NRCAM: variants seen among roughly 807,000 people sequenced by gnomAD.
The protein encoded by NRCAM is NgCAM-related cell adhesion molecule.
In NRCAM, 83 loss-of-function variants were observed where a neutral mutation model predicts 156.5. That is an observed-to-expected ratio of 0.53 (90% CI 0.44 to 0.64). The LOEUF (loss-of-function observed/expected upper bound fraction) is 0.64, where lower values mean the gene tolerates loss of function less well. Ranked by LOEUF, NRCAM falls within the 30% of genes least tolerant of loss-of-function variation. The pLI is 0.00. For missense variants in NRCAM, 1,417 were observed against 1,597.3 expected (o/e 0.89, Z 1.92); for synonymous variants, 538 against 563.9 (o/e 0.95, Z 0.65).
intron 3 of NRCAM, among the ~76,000 whole-genome samples, chr7:108,310,506 T>C (rs1241361737): frequency 6.6e-6 from 1 of 151,886 alleles, no homozygotes; most frequent in African/African-American, 2.4e-5. Flanking sequence ...GGCCTGAGAG[T>C]TTGCAAACCA....
rs531876992 is a variant in NRCAM at position 108,316,676 on chromosome 7, T to C, written c.-173-3945A>G. 2.1e-4 allele frequency among the ~76,000 whole-genome samples: 32 copies of C among 151,374 alleles called. No homozygotes were observed. The Middle Eastern group carries it at 0.01, about 48-fold the overall frequency. On this transcript the variant is annotated intron_variant, in intron 2 of 32. Transcript: ENST00000379028. ...GGCAGGCATCTGTAGTCCCAGCTAC[T>C]CAGGAGGTTGAGGCAGAACAATCAA...
intron 2 of NRCAM, among the ~76,000 whole-genome samples, chr7:108,381,949 C>G (rs1336143372): frequency 6.6e-6 from 1 of 152,062 alleles, no homozygotes; most frequent in African/African-American, 2.4e-5. Flanking sequence ...TATAGCCACC[C>G]CATTAAATAA....
At chr7:108,420,175 G>A (rs531227564) in intron 1 of NRCAM, among the ~76,000 whole-genome samples, 6 of 152,198 alleles carry the variant, frequency 3.9e-5, no homozygotes, top group African/African-American at 1.4e-4. Context: ...GGACTGAAAT[G>A]TGTTGGTCTT....
chr7:108,326,714 GTTTACAGATTTGATCC>G (rs368543709), intron 2 of NRCAM, among the ~76,000 whole-genome samples: 11 of 152,240 alleles, frequency 7.2e-5, no homozygotes, highest in African/African-American at 2.6e-4. Flanking sequence ...CCTAGGGAAG[GTTTACAGATTTGATCC>G]TTTATTTTCT....
intron 1 of NRCAM, among the ~76,000 whole-genome samples, chr7:108,418,212 A>C (rs1804205800): frequency 1.3e-5 from 2 of 152,094 alleles, no homozygotes; most frequent in African/African-American, 2.4e-5. Context: ...GCCAGTGCAA[A>C]AGGACTTGCT....
chr7:108,163,270 T>A (rs1413289800), intron 30 of NRCAM, among the ~76,000 whole-genome samples: 1 of 152,330 alleles, frequency 6.6e-6, no homozygotes, highest in East Asian at 1.9e-4. Context: ...TGAGATTTGC[T>A]TTGTTTTCTG....
intron 2 of NRCAM, among the ~76,000 whole-genome samples, chr7:108,377,542 G>A (rs986100072): frequency 2.0e-5 from 3 of 152,070 alleles, no homozygotes; most frequent in African/African-American, 7.2e-5. Flanking sequence ...AATCCCAGGA[G>A]TCCCTCAATA....
intron 2 of NRCAM, among the ~76,000 whole-genome samples, chr7:108,380,891 T>G (rs1012584802): frequency 2.0e-5 from 3 of 152,160 alleles, no homozygotes; most frequent in South Asian, 4.1e-4. Context: ...CTCTTTTGTA[T>G]GTATGTAATA....
intron 6 of NRCAM, among the ~76,000 whole-genome samples, chr7:108,233,508 T>C (rs776737471): frequency 6.6e-5 from 10 of 152,158 alleles, no homozygotes; most frequent in Admixed American, 1.3e-4. Context: ...CTGAAGAGGA[T>C]AAATCCTGTT....
chr7:108,388,603 C>T (rs1441245856), intron 2 of NRCAM, among the ~76,000 whole-genome samples: 1 of 152,158 alleles, frequency 6.6e-6, no homozygotes, highest in African/African-American at 2.4e-5. Context: ...GTCGCCATTG[C>T]TTTTGGTGTT....
At chr7:108,360,064 C>T (rs7792869) in intron 2 of NRCAM, among the ~76,000 whole-genome samples, 11,919 of 152,176 alleles carry the variant, frequency 0.078, 487 homozygotes, top group East Asian at 0.11. Context: ...TATAACTGTA[C>T]TTTGGATGAT....
intron 1 of NRCAM, among the ~76,000 whole-genome samples, chr7:108,429,148 G>A (rs1291086153): frequency 6.6e-6 from 1 of 152,108 alleles, no homozygotes; most frequent in African/African-American, 2.4e-5. Flanking sequence ...AACAGTCAAT[G>A]TGAAGGAATC....
At chr7:108,304,629 A>G (rs1465081696) in intron 3 of NRCAM, among the ~76,000 whole-genome samples, 1 of 152,166 alleles carries the variant, frequency 6.6e-6, no homozygotes, top group Non-Finnish European at 1.5e-5. Context: ...AATGAGACCC[A>G]AATGACTTCA....
chr7:108,441,759 G>A (rs1307091637), intron 1 of NRCAM, among the ~76,000 whole-genome samples: 1 of 152,164 alleles, frequency 6.6e-6, no homozygotes, highest in Admixed American at 6.5e-5. Context: ...CTTTGACCGT[G>A]GGCCAAATCT....
chr7:108,168,636 G>T (rs2056470051), intron 28 of NRCAM, among the ~76,000 whole-genome samples: 1 of 152,088 alleles, frequency 6.6e-6, no homozygotes, highest in Admixed American at 6.5e-5. Context: ...AAATTTGTGA[G>T]TTCTATTATA....
intron 32 of NRCAM, among the ~76,000 whole-genome samples, chr7:108,151,163 G>A (rs1295536811): frequency 2.0e-5 from 3 of 151,946 alleles, no homozygotes; most frequent in Non-Finnish European, 4.4e-5. Context: ...TCACCCATAC[G>A]GTCAAATACC....
chr7:108,233,623 G>A (rs1157246087), intron 6 of NRCAM, among the ~76,000 whole-genome samples: 1 of 152,138 alleles, frequency 6.6e-6, no homozygotes, highest in African/African-American at 2.4e-5. Context: ...TAACATAGCC[G>A]AATATATTAT....
Position 108,166,904 on chromosome 7 carries a change from T to C in NRCAM, c.3466+17A>G, listed in dbSNP as rs538198028. 13 of 1,612,720 alleles carry C rather than the reference T, an allele frequency of 8.1e-6. No homozygotes were observed. The highest frequency in any genetic ancestry group is 1.3e-5 in the African/African-American group (1 of 74,876). The stretch of plus-strand genomic sequence containing the variant: ...ACCTCTGAGCGGGAGCCAGAACAGG[T>C]GTGGTGTGAGCCTCACCTGGGCCTG... On this transcript the variant is annotated intron_variant, in intron 30 of 32. Transcript: ENST00000379028.
At chr7:108,250,649 A>AC (rs1363878845) in intron 3 of NRCAM, among the ~76,000 whole-genome samples, 84 of 151,228 alleles carry the variant, frequency 5.6e-4, no homozygotes, top group African/African-American at 1.4e-3. Flanking sequence ...GTTATTAGGT[A>AC]CAAAAAAAAA....
Sources: gnomAD v4.1 joint callset for allele counts (sites outside exome capture counted in the v4.1 genomes callset) on GRCh38, gnomAD v4.1.1 for gene constraint, MANE v1.5 for transcripts, NCBI Gene and HGNC (gene_info 2026-07-23, HGNC 2026-07-21) for gene names.